The following WDR17 variants were observed in gnomAD, a reference collection of about 807,000 sequenced individuals.
The protein encoded by WDR17 is WD repeat domain 17.
WDR17 carries 143 observed loss-of-function variants against 161.7 expected under a neutral mutation model. That is an observed-to-expected ratio of 0.88 (90% CI 0.77 to 1.02). The LOEUF is 1.02. Among genes scored for constraint, WDR17 ranks in the 50% least tolerant of loss-of-function variants. The pLI, the probability that WDR17 is intolerant of heterozygous loss-of-function variation, is 0.00. For missense variants in WDR17, 1,469 were observed against 1,520.9 expected (o/e 0.97, Z 0.57); for synonymous variants, 517 against 515.6 (o/e 1.00, Z -0.04).
intron 1 of WDR17, among the ~76,000 whole-genome samples, chr4:176,097,626 A>G (rs1428506395): frequency 6.6e-6 from 1 of 151,804 alleles, no homozygotes; most frequent in Non-Finnish European, 1.5e-5. Context: ...GTTGAGAGTT[A>G]ATGAGCAGTT....
intron 23 of WDR17, among the ~76,000 whole-genome samples, chr4:176,169,094 G>C (rs986493713): frequency 1.3e-4 from 20 of 152,182 alleles, no homozygotes; most frequent in Non-Finnish European, 2.1e-4. Context: ...GGTGGAGTGA[G>C]AATTTCAACT....
chr4:176,160,137 A>G lies in WDR17; in HGVS notation c.2658+11A>G. 2 of 1,612,450 alleles carry G rather than the reference A, an allele frequency of 1.2e-6. No homozygotes were observed. The highest frequency in any genetic ancestry group is 1.7e-6 in the Non-Finnish European group (2 of 1,179,030). ...CTGCTTGTTGCACAGGTAAAACCAC[A>G]GAACTACCCCAGTCACATACATGAA... On this transcript the variant is annotated intron_variant, in intron 19 of 28. Transcript: ENST00000508596.
intron 22 of WDR17, among the ~76,000 whole-genome samples, chr4:176,167,479 T>TCAA (rs1749956814): frequency 6.6e-6 from 1 of 150,492 alleles, no homozygotes; most frequent in Non-Finnish European, 1.5e-5. Flanking sequence ...ACCCCGTCTC[T>TCAA]ACTAAAAATA....
intron 22 of WDR17, among the ~76,000 whole-genome samples, chr4:176,167,602 G>C (rs951751327): frequency 8.1e-6 from 1 of 123,766 alleles, no homozygotes; most frequent in Non-Finnish European, 1.6e-5. Flanking sequence ...AGCCGAGATT[G>C]CGCCACTGCA....
At chr4:176,151,284 C>G (rs148884860) in intron 16 of WDR17, among the ~76,000 whole-genome samples, 302 of 152,232 alleles carry the variant, frequency 2.0e-3, no homozygotes, top group African/African-American at 7.0e-3. Flanking sequence ...AGAGGCCTGT[C>G]TGTACTGTTG....
At chr4:176,105,221 T>A (rs1738519561) in intron 1 of WDR17, among the ~76,000 whole-genome samples, 1 of 151,916 alleles carries the variant, frequency 6.6e-6, no homozygotes, top group Non-Finnish European at 1.5e-5. Context: ...ACCATCAAAA[T>A]ATATGAAGCA....
intron 1 of WDR17, among the ~76,000 whole-genome samples, chr4:176,106,196 C>A (rs1168722417): frequency 6.6e-6 from 1 of 151,876 alleles, no homozygotes; most frequent in Non-Finnish European, 1.5e-5. Flanking sequence ...TGTTGCAATA[C>A]TACAGTAATC....
intron 1 of WDR17, among the ~76,000 whole-genome samples, chr4:176,084,930 C>A (rs34264329): frequency 0.19 from 28,717 of 151,294 alleles, 3,009 homozygotes; most frequent in South Asian, 0.27. Context: ...AGAGATCTAT[C>A]CTGGACTCAT....
chr4:176,068,677 T>C (rs1222219824), intron 1 of WDR17, among the ~76,000 whole-genome samples: 1 of 152,186 alleles, frequency 6.6e-6, no homozygotes, highest in Non-Finnish European at 1.5e-5. Context: ...TCCTTTTCTT[T>C]TGTATCAGAA....
chr4:176,155,331 G>A (rs898263617), intron 17 of WDR17, among the ~76,000 whole-genome samples: 1 of 151,224 alleles, frequency 6.6e-6, no homozygotes, highest in Admixed American at 6.6e-5. Context: ...ATTTTAATAT[G>A]TAGAGACTTC....
At chr4:176,169,567 AATG>A (rs145972905) in intron 23 of WDR17, among the ~76,000 whole-genome samples, 2,324 of 152,352 alleles carry the variant, frequency 0.015, 62 homozygotes, top group African/African-American at 0.053. Flanking sequence ...CTTTTAAGAA[AATG>A]ATAAGATATA....
In WDR17 at chr4:176,149,872, C is replaced by T. The variant is rs753753379; in HGVS notation, c.1963C>T (p.Leu655Phe). Residue 655 changes from leucine to phenylalanine, a missense_variant, in exon 14 of 29, where the codon CTC becomes TTC. Physicochemically the swap from Leu to Phe is conservative, Grantham distance 22. Coordinates refer to ENST00000508596, the MANE Select transcript of WDR17 (RefSeq NM_181265.4). ...ASCSRDSTVR[L>F]WSLTALVTPV... is the part of the protein sequence containing the mutation. The stretch of plus-strand genomic sequence containing the variant: ...TTGCTCCCGTGACTCTACAGTGAGA[C>T]TCTGGTCATTAACAGCCTTAGTCAC... 1 of 1,614,002 alleles carries T rather than the reference C, an allele frequency of 6.2e-7. No individual in the cohort carries two copies. The highest frequency in any genetic ancestry group is 1.7e-5 in the Admixed American group (1 of 59,990).
chr4:176,092,346 A>G lies in WDR17; in HGVS notation c.-6-19229A>G, dbSNP rs534070350. Among the ~76,000 whole-genome samples, 86 of 138,858 alleles carry G rather than the reference A, an allele frequency of 6.2e-4. 1 individual carries two copies. In the South Asian group the frequency reaches 0.022, roughly 36 times the overall value. The allele number at this position is 138,858 out of a possible 152,430, so 91.1% of individuals were successfully genotyped here. A position where few individuals can be genotyped will look rare whatever the true frequency, so the allele number is the denominator to read the frequency against. ...CAACAGGATGAAGGACAAAAACCATATGATCATTTCAATTGATGCTGAAAA... is the reference window on the plus strand; with the variant it reads ...CAACAGGATGAAGGACAAAAACCATGTGATCATTTCAATTGATGCTGAAAA... On this transcript the variant is annotated intron_variant, in intron 1 of 28. Coordinates refer to ENST00000508596, the MANE Select transcript of WDR17 (RefSeq NM_181265.4).
intron 22 of WDR17, among the ~76,000 whole-genome samples, chr4:176,165,256 C>G (rs749801229): frequency 2.6e-5 from 4 of 151,996 alleles, no homozygotes; most frequent in Non-Finnish European, 5.9e-5. Flanking sequence ...GTAATACCAT[C>G]TACTTGGGAG....
chr4:176,160,213 A>T (rs552282630), intron 19 of WDR17, 87 bp downstream of exon 19: 76 of 1,492,306 alleles, frequency 5.1e-5, no homozygotes, highest in Non-Finnish European at 6.4e-5. Context: ...TCACCCTTAC[A>T]TAATTGACAA....
chr4:176,163,328 G>C, intron 22 of WDR17, 35 bp downstream of exon 22: 1 of 1,573,954 alleles, frequency 6.4e-7, no homozygotes, highest in Non-Finnish European at 8.6e-7. Context: ...TAATTTCATA[G>C]TGATGGAATA....
intron 1 of WDR17, among the ~76,000 whole-genome samples, chr4:176,081,659 A>G (rs1734761352): frequency 6.6e-6 from 1 of 152,162 alleles, no homozygotes. Context: ...GAATTGCAGC[A>G]TCTCTGCAGT....
chr4:176,067,112 A>G (rs1430446608), intron 1 of WDR17, among the ~76,000 whole-genome samples: 1 of 152,210 alleles, frequency 6.6e-6, no homozygotes, highest in African/African-American at 2.4e-5. Context: ...CTGTGGAGAA[A>G]GCACTCTTAC....
In WDR17 at chr4:176,180,193, T is replaced by C. The variant is rs1390511744; in HGVS notation, c.*614T>C. 2 of 152,200 alleles carry C rather than the reference T, an allele frequency of 1.3e-5. No individual in the cohort carries two copies. The highest frequency in any genetic ancestry group is 2.9e-5 in the Non-Finnish European group (2 of 68,038). The allele number at this position is 152,200 out of a possible 1,614,324, so 9.4% of individuals were successfully genotyped here. On this transcript the variant is annotated 3_prime_UTR_variant, in exon 29 of 29. Coordinates refer to ENST00000508596, the MANE Select transcript of WDR17 (RefSeq NM_181265.4). ...AGAAAATGTTACCAGTTTTTTTATC[T>C]GAAGTTTAACTGTCCCATTGTAAAG... is the stretch of plus-strand genomic sequence containing the variant.
Sources: gnomAD v4.1 joint callset for allele counts (sites outside exome capture counted in the v4.1 genomes callset) on GRCh38, gnomAD v4.1.1 for gene constraint, MANE v1.5 for transcripts, NCBI Gene and HGNC (gene_info 2026-07-23, HGNC 2026-07-21) for gene names.